SPATA17: variants seen among roughly 807,000 people sequenced by gnomAD.
The protein encoded by SPATA17 is spermatogenesis associated 17.
A neutral mutation model predicts 62.2 loss-of-function variants in SPATA17; 53 were observed. The observed-to-expected ratio is 0.85, with a 90% CI of 0.68 to 1.07. The LOEUF (loss-of-function observed/expected upper bound fraction) is 1.07, where lower values mean the gene tolerates loss of function less well. SPATA17 is among the 50% of genes least tolerant of loss of function. SPATA17 has a pLI of 0.00. For missense variants in SPATA17, 466 were observed against 425.5 expected, an observed-to-expected ratio of 1.10 and a Z score of -0.84; for synonymous variants, 146 against 146.8, an observed-to-expected ratio of 0.99 and a Z score of 0.04.
At chr1:217,696,348 G>C (rs1408658366) in intron 5 of SPATA17, among the ~76,000 whole-genome samples, 2 of 152,096 alleles carry the variant, frequency 1.3e-5, no homozygotes, top group East Asian at 1.9e-4. Context: ...GCCCTGCTTC[G>C]GCTCGCGCAC....
chr1:217,730,087 A>G (rs1397856792), intron 5 of SPATA17, among the ~76,000 whole-genome samples: 1 of 152,230 alleles, frequency 6.6e-6, no homozygotes, highest in Admixed American at 6.5e-5. Flanking sequence ...TGTCCCATTA[A>G]CAAAATGGAG....
At chr1:217,650,692 G>C (rs534817853) in intron 2 of SPATA17, among the ~76,000 whole-genome samples, 10 of 152,316 alleles carry the variant, frequency 6.6e-5, no homozygotes, top group African/African-American at 2.2e-4. Context: ...CCAAAGTGCT[G>C]GGATTACGGG....
chr1:217,730,915 A>G (rs1194749924), intron 5 of SPATA17, among the ~76,000 whole-genome samples: 1 of 152,182 alleles, frequency 6.6e-6, no homozygotes, highest in Non-Finnish European at 1.5e-5. Context: ...ACATTTTATG[A>G]TATGTTTACA....
chr1:217,689,294 C>T (rs558654859), intron 5 of SPATA17, among the ~76,000 whole-genome samples: 20 of 128,890 alleles, frequency 1.6e-4, no homozygotes, highest in African/African-American at 4.7e-4. Flanking sequence ...GGTGCAATGT[C>T]GGCTTACTGC....
intron 9 of SPATA17, 93 bp downstream of exon 9, chr1:217,801,943 A>G (rs1571814766): frequency 7.7e-7 from 1 of 1,295,924 alleles, no homozygotes; most frequent in East Asian, 2.6e-5. Flanking sequence ...TATTACAATT[A>G]AGACCTTTAT....
intron 5 of SPATA17, among the ~76,000 whole-genome samples, chr1:217,729,886 A>G (rs1206418759): frequency 6.6e-6 from 1 of 152,190 alleles, no homozygotes; most frequent in Non-Finnish European, 1.5e-5. Context: ...AATACACAGA[A>G]AGGAAAAAAT....
chr1:217,683,068 T>C (rs538851705), intron 4 of SPATA17, among the ~76,000 whole-genome samples, 190 bp from the exon 5 acceptor site: 1 of 151,998 alleles, frequency 6.6e-6, no homozygotes, highest in Admixed American at 6.5e-5. Context: ...ATGTTTATTT[T>C]TATAATATTT....
At chr1:217,856,182 A>G (rs1266971480) in intron 9 of SPATA17, among the ~76,000 whole-genome samples, 3 of 152,248 alleles carry the variant, frequency 2.0e-5, no homozygotes, top group Admixed American at 1.3e-4. Context: ...TTGATTAGCA[A>G]CTATTTAGGA....
At chr1:217,844,009 T>C (rs1437407787) in intron 9 of SPATA17, among the ~76,000 whole-genome samples, 1 of 152,172 alleles carries the variant, frequency 6.6e-6, no homozygotes, top group Non-Finnish European at 1.5e-5. Flanking sequence ...GTAAGTCTGA[T>C]GGTGTGGAGG....
At chr1:217,686,128 T>C (rs1348502618) in intron 5 of SPATA17, among the ~76,000 whole-genome samples, 1 of 152,126 alleles carries the variant, frequency 6.6e-6, no homozygotes, top group Non-Finnish European at 1.5e-5. Flanking sequence ...TTCTTTCTTA[T>C]ATTGCAATTG....
chr1:217,785,639 A>G (rs529814742), intron 8 of SPATA17, among the ~76,000 whole-genome samples: 56 of 152,292 alleles, frequency 3.7e-4, no homozygotes, highest in South Asian at 1.9e-3. Context: ...GTCAAACTAT[A>G]TCAGACCCTA....
At chr1:217,850,408 C>T in intron 9 of SPATA17, 1 of 1,179,608 alleles carries the variant, frequency 8.5e-7, no homozygotes, top group Admixed American at 1.8e-5. Context: ...GAACTAACAG[C>T]CACATCTCAG....
intron 6 of SPATA17, among the ~76,000 whole-genome samples, chr1:217,747,988 G>A (rs745438538): frequency 6.6e-6 from 1 of 152,076 alleles, no homozygotes; most frequent in Non-Finnish European, 1.5e-5. Flanking sequence ...TATTTGTATA[G>A]AGAAAGACTG....
At chr1:217,704,754 G>C (rs567565963) in intron 5 of SPATA17, among the ~76,000 whole-genome samples, 1 of 151,992 alleles carries the variant, frequency 6.6e-6, no homozygotes, top group East Asian at 1.9e-4. Flanking sequence ...AAATGTGTGG[G>C]TAGTTTTCCA....
intron 9 of SPATA17, among the ~76,000 whole-genome samples, chr1:217,805,393 G>T (rs1224805164): frequency 6.6e-6 from 1 of 152,172 alleles, no homozygotes; most frequent in Non-Finnish European, 1.5e-5. Flanking sequence ...GTAGGGGTGA[G>T]AAATGAGAAG....
At chr1:217,736,613 G>A (rs1240806592) in intron 5 of SPATA17, among the ~76,000 whole-genome samples, 3 of 152,190 alleles carry the variant, frequency 2.0e-5, no homozygotes, top group Non-Finnish European at 2.9e-5. Context: ...TACAGCCATT[G>A]TGACTGAAGC....
At chr1:217,809,780 A>G (rs1332839944) in intron 9 of SPATA17, among the ~76,000 whole-genome samples, 2 of 152,100 alleles carry the variant, frequency 1.3e-5, no homozygotes, top group Non-Finnish European at 2.9e-5. Context: ...GTGAGAACAA[A>G]CTCAAGCCAT....
At chr1:217,783,548 A>G (rs891244891) in intron 8 of SPATA17, among the ~76,000 whole-genome samples, 1 of 152,070 alleles carries the variant, frequency 6.6e-6, no homozygotes, top group African/African-American at 2.4e-5. Context: ...TACCACACAT[A>G]TCGTAGAAGA....
chr1:217,832,652 T>G (rs1389967750), intron 9 of SPATA17, among the ~76,000 whole-genome samples: 1 of 152,106 alleles, frequency 6.6e-6, no homozygotes, highest in South Asian at 2.1e-4. Flanking sequence ...AAAAATAAAG[T>G]TTACTTTTGG....
Sources: gnomAD v4.1 joint callset for allele counts (sites outside exome capture counted in the v4.1 genomes callset) on GRCh38, gnomAD v4.1.1 for gene constraint, MANE v1.5 for transcripts, NCBI Gene and HGNC (gene_info 2026-07-23, HGNC 2026-07-21) for gene names.